The following AHI1 variants were observed in gnomAD, a reference collection of about 807,000 sequenced individuals.
The protein encoded by AHI1 is jouberin.
In AHI1, 123 loss-of-function variants were observed where a neutral mutation model predicts 149.3. That is an observed-to-expected ratio of 0.82 (90% CI 0.71 to 0.96). AHI1 has a LOEUF of 0.96. AHI1 is among the 40% of genes least tolerant of loss of function. The pLI is 0.00. For synonymous variants in AHI1, 475 were observed against 459.8 expected (o/e 1.03, Z -0.42); for missense variants, 1,439 against 1,422.7 (o/e 1.01, Z -0.18).
chr6:135,394,041 T>A (rs1387048706), intron 23 of AHI1, among the ~76,000 whole-genome samples: 3 of 152,122 alleles, frequency 2.0e-5, no homozygotes, highest in Admixed American at 2.0e-4. Flanking sequence ...CTAAGTAAAT[T>A]ATGCTGATCT....
At chr6:135,473,164 A>C (rs1415818395) in intron 5 of AHI1, among the ~76,000 whole-genome samples, 1 of 152,144 alleles carries the variant, frequency 6.6e-6, no homozygotes, top group Non-Finnish European at 1.5e-5. Context: ...TTTATTATAT[A>C]TGAATATCTG....
At chr6:135,324,551 CATATATAT>C (rs3071751) in intron 24 of AHI1, among the ~76,000 whole-genome samples, 1 of 144,804 alleles carries the variant, frequency 6.9e-6, no homozygotes, top group African/African-American at 2.5e-5. Context: ...GTTATATATA[CATATATAT>C]ATATATATAT....
chr6:135,465,401 GTATAAGAAAAAAAGT>G (rs1790582089), intron 7 of AHI1, among the ~76,000 whole-genome samples: 1 of 152,038 alleles, frequency 6.6e-6, no homozygotes, highest in South Asian at 2.1e-4. Flanking sequence ...AATGTTATCT[GTATAAGAAAAAAAGT>G]TATATTTATA....
At chr6:135,400,584 G>T (rs557908898) in intron 22 of AHI1, among the ~76,000 whole-genome samples, 4 of 152,328 alleles carry the variant, frequency 2.6e-5, no homozygotes, top group African/African-American at 9.6e-5. Flanking sequence ...CAGAAAAAGA[G>T]AGTGTGTGTT....
intron 23 of AHI1, among the ~76,000 whole-genome samples, chr6:135,368,160 T>A (rs754692787): frequency 6.6e-6 from 1 of 152,148 alleles, no homozygotes; most frequent in Non-Finnish European, 1.5e-5. Context: ...GTGTTGGTAC[T>A]GGGGAGTTTC....
At chr6:135,310,203 AATTCAG>A (rs1477113927) in intron 26 of AHI1, among the ~76,000 whole-genome samples, 2 of 152,218 alleles carry the variant, frequency 1.3e-5, no homozygotes, top group Non-Finnish European at 2.9e-5. Flanking sequence ...GATTAACAAT[AATTCAG>A]ATTCATTCCT....
At chr6:135,496,594 T>A (rs921492261) in intron 2 of AHI1, among the ~76,000 whole-genome samples, 21 of 152,210 alleles carry the variant, frequency 1.4e-4, no homozygotes, top group Admixed American at 8.5e-4. Context: ...CTAAGAGATA[T>A]TACACAGGAA....
intron 23 of AHI1, chr6:135,387,789 T>G: frequency 7.6e-7 from 1 of 1,320,840 alleles, no homozygotes; most frequent in Admixed American, 3.4e-5. Flanking sequence ...TCCCATAACC[T>G]CATACTGTTT....
intron 5 of AHI1, among the ~76,000 whole-genome samples, chr6:135,480,241 G>A (rs1793405745): frequency 6.6e-6 from 1 of 152,150 alleles, no homozygotes; most frequent in Admixed American, 6.5e-5. Context: ...AGGATCACAT[G>A]GACCCAGAAG....
intron 27 of AHI1, among the ~76,000 whole-genome samples, chr6:135,295,945 C>T (rs144827340): frequency 0.043 from 6,528 of 152,248 alleles, 450 homozygotes; most frequent in African/African-American, 0.14. Flanking sequence ...CTCCACCTCC[C>T]GGGTTCAAGC....
chr6:135,347,750 GATC>G (rs1207593539), intron 24 of AHI1, among the ~76,000 whole-genome samples: 1 of 152,116 alleles, frequency 6.6e-6, no homozygotes, highest in African/African-American at 2.4e-5. Context: ...CTATAAATGT[GATC>G]ATATTTTCTA....
In AHI1 at chr6:135,433,216, C is replaced by T. The variant is rs779105612; in HGVS notation, c.2077G>A (p.Val693Ile). The T allele has an allele frequency of 6.2e-7, 1 of 1,611,388 alleles. No individual in the cohort carries two copies. The highest frequency in any genetic ancestry group is 1.7e-5 in the Admixed American group (1 of 60,006). The change falls in exon 16 of 29, where the codon GTT (valine) becomes ATT (isoleucine). Residue 693 changes from valine to isoleucine, a missense_variant. Val to Ile is a conservative substitution (Grantham distance 29). Transcript: ENST00000265602. ...TAAACAAAAGAAGGATGAGGTAAAA[C>T]TCTGAAAGTATTTGTATTGTTTATT... ...NEINNTNTFR[V>I]LPHPSFVYTA...
intron 24 of AHI1, among the ~76,000 whole-genome samples, chr6:135,326,369 C>G (rs1387907809): frequency 6.6e-6 from 1 of 152,162 alleles, no homozygotes; most frequent in Non-Finnish European, 1.5e-5. Context: ...ACTGTGCTAG[C>G]ACCTTGATCT....
At chr6:135,485,077 T>C (rs1364421187) in intron 5 of AHI1, among the ~76,000 whole-genome samples, 3 of 151,760 alleles carry the variant, frequency 2.0e-5, no homozygotes, top group African/African-American at 4.8e-5. Context: ...CAATTTCTTT[T>C]TTTTTTTTTT....
chr6:135,298,066 G>A (rs1783365285), intron 27 of AHI1, among the ~76,000 whole-genome samples: 1 of 152,036 alleles, frequency 6.6e-6, no homozygotes, highest in Non-Finnish European at 1.5e-5. Flanking sequence ...GGCTATATTA[G>A]TTAACTATGG....
At chr6:135,452,295 C>A (rs1010003997) in intron 11 of AHI1, among the ~76,000 whole-genome samples, 6 of 152,138 alleles carry the variant, frequency 3.9e-5, no homozygotes, top group Admixed American at 1.3e-4. Context: ...TTACTCAAGA[C>A]TTTTCATAAT....
At chr6:135,467,725 T>C (rs1229276647) in intron 5 of AHI1, 91 bp from the exon 6 acceptor site, 7 of 888,442 alleles carry the variant, frequency 7.9e-6, no homozygotes, top group East Asian at 2.7e-5. Flanking sequence ...TGTGGAATTA[T>C]TGGGAAAATT....
At chr6:135,373,750 C>T (rs1775417667) in intron 23 of AHI1, among the ~76,000 whole-genome samples, 1 of 152,114 alleles carries the variant, frequency 6.6e-6, no homozygotes, top group Non-Finnish European at 1.5e-5. Context: ...CAGACAGGAA[C>T]ATGTGCCAAG....
intron 27 of AHI1, among the ~76,000 whole-genome samples, chr6:135,299,848 G>T (rs902271100): frequency 6.6e-6 from 1 of 151,880 alleles, no homozygotes; most frequent in Non-Finnish European, 1.5e-5. Flanking sequence ...TTCAAAAAAG[G>T]CATTCATAAT....
Sources: gnomAD v4.1 joint callset for allele counts (sites outside exome capture counted in the v4.1 genomes callset) on GRCh38, gnomAD v4.1.1 for gene constraint, MANE v1.5 for transcripts, NCBI Gene and HGNC (gene_info 2026-07-23, HGNC 2026-07-21) for gene names.